GRK5: variants seen among roughly 807,000 people sequenced by gnomAD.
GRK5 encodes g protein-coupled receptor kinase GRK5.
A neutral mutation model predicts 78.4 loss-of-function variants in GRK5; 40 were observed. The ratio of observed to expected loss-of-function variants is 0.51; its 90% CI spans 0.40 to 0.66. The LOEUF is 0.66. GRK5 is among the 30% of genes least tolerant of loss of function. The probability of loss-of-function intolerance (pLI) is 0.00; values close to 1 mark genes in which losing one functional copy is unlikely to be tolerated. For missense variants in GRK5, 598 were observed against 759.9 expected (o/e 0.79, Z 2.50); for synonymous variants, 289 against 296.8 (o/e 0.97, Z 0.27).
intron 1 of GRK5, among the ~76,000 whole-genome samples, chr10:119,227,332 C>T (rs768918907): frequency 7.2e-5 from 11 of 152,008 alleles, no homozygotes; most frequent in African/African-American, 9.7e-5. Context: ...TTTGGGAAGC[C>T]GAGGTGGGTG....
At chr10:119,295,545 A>G (rs1478274741) in intron 1 of GRK5, among the ~76,000 whole-genome samples, 1 of 152,196 alleles carries the variant, frequency 6.6e-6, no homozygotes. Flanking sequence ...AAATCATGGA[A>G]CCATCCCAAA....
Position 119,307,394 on chromosome 10 carries a change from G to A in GRK5, c.53-19122G>A, listed in dbSNP as rs992369314. On this transcript the variant is annotated intron_variant, in intron 1 of 15. Coordinates refer to ENST00000392870, the MANE Select transcript of GRK5 (RefSeq NM_005308.3). Reference sequence around the variant, plus strand: ...TTTCAGATGTGATTAAGTTAAGGCTGTTGAGATGGAGAGGTTATCCAGGGA... The same window carrying A: ...TTTCAGATGTGATTAAGTTAAGGCTATTGAGATGGAGAGGTTATCCAGGGA... Among the ~76,000 whole-genome samples the A allele has an allele frequency of 3.3e-5, 5 of 152,148 alleles. 1 individual carries two copies. The highest frequency in any genetic ancestry group is 7.3e-5 in the Non-Finnish European group (5 of 68,034).
At chr10:119,246,974 C>T (rs1849124263) in intron 1 of GRK5, among the ~76,000 whole-genome samples, 1 of 152,150 alleles carries the variant, frequency 6.6e-6, no homozygotes. Context: ...TGGGTTCTAT[C>T]CAGATCTGAG....
intron 2 of GRK5, among the ~76,000 whole-genome samples, chr10:119,376,993 T>TGTGC (rs1379576068): frequency 1.3e-5 from 2 of 152,146 alleles, no homozygotes; most frequent in Non-Finnish European, 2.9e-5. Context: ...CGTGTGTGTA[T>TGTGC]GTGCGTGCGT....
At chr10:119,362,831 A>C (rs1324269065) in intron 2 of GRK5, among the ~76,000 whole-genome samples, 2 of 152,190 alleles carry the variant, frequency 1.3e-5, no homozygotes, top group Non-Finnish European at 2.9e-5. Context: ...ACGGCAAAGG[A>C]GCATCTGAAA....
chr10:119,446,557 G>A (rs1196347046), intron 12 of GRK5, among the ~76,000 whole-genome samples: 1 of 151,694 alleles, frequency 6.6e-6, no homozygotes, highest in East Asian at 1.9e-4. Context: ...CTGAGGGACT[G>A]CTTAGAACAG....
intron 9 of GRK5, among the ~76,000 whole-genome samples, chr10:119,437,638 G>T (rs1437493099): frequency 6.6e-6 from 1 of 152,128 alleles, no homozygotes; most frequent in East Asian, 1.9e-4. Flanking sequence ...TTAGTGATGA[G>T]GAATTTTCTA....
intron 1 of GRK5, among the ~76,000 whole-genome samples, chr10:119,243,562 T>TTTAG (rs1554898011): frequency 8.7e-5 from 3 of 34,618 alleles, no homozygotes; most frequent in Non-Finnish European, 4.1e-4. Flanking sequence ...TGTTCCCAGT[T>TTTAG]TTTCTTTTTT....
At chr10:119,411,582 A>C (rs1338130814) in intron 4 of GRK5, among the ~76,000 whole-genome samples, 1 of 152,190 alleles carries the variant, frequency 6.6e-6, no homozygotes, top group African/African-American at 2.4e-5. Flanking sequence ...TAAGAAAAAG[A>C]ATAGGAGGTT....
intron 1 of GRK5, among the ~76,000 whole-genome samples, chr10:119,305,854 C>CA (rs1367908635): frequency 1.3e-4 from 20 of 151,524 alleles, no homozygotes; most frequent in Non-Finnish European, 2.9e-5. Flanking sequence ...TGTTTCATTG[C>CA]AAAAAAGTGA....
chr10:119,218,750 C>A (rs766359643), intron 1 of GRK5, among the ~76,000 whole-genome samples: 1 of 152,174 alleles, frequency 6.6e-6, no homozygotes, highest in Non-Finnish European at 1.5e-5. Context: ...GATGCCACTA[C>A]CCCTGCTGTC....
Position 119,212,234 on chromosome 10 carries a change from C to G in GRK5, c.52+4265C>G, listed in dbSNP as rs149056415. On this transcript the variant is annotated intron_variant, in intron 1 of 15. Transcript: ENST00000392870. ...AACCAAAAGCAATGTTTTCAGAAGG[C>G]CTTTTGCTTTCTTAAAGATTTCAAA... Among the ~76,000 whole-genome samples the G allele has an allele frequency of 2.5e-3, 380 of 152,114 alleles. 3 individuals carry two copies. The highest frequency in any genetic ancestry group is 8.6e-3 in the African/African-American group (356 of 41,508).
At chr10:119,275,357 G>C (rs1038638515) in intron 1 of GRK5, among the ~76,000 whole-genome samples, 7 of 152,092 alleles carry the variant, frequency 4.6e-5, no homozygotes, top group Non-Finnish European at 8.8e-5. Context: ...CTTTGACCTC[G>C]GTCAGGCTTG....
chr10:119,291,138 C>T (rs531013911), intron 1 of GRK5, among the ~76,000 whole-genome samples: 20 of 152,208 alleles, frequency 1.3e-4, no homozygotes, highest in Non-Finnish European at 2.6e-4. Context: ...CAGAGCCAGC[C>T]GCAGGGTATG....
intron 10 of GRK5, among the ~76,000 whole-genome samples, chr10:119,440,080 T>C (rs1471819827): frequency 6.6e-6 from 1 of 152,156 alleles, no homozygotes; most frequent in Non-Finnish European, 1.5e-5. Context: ...GTCCAGAATT[T>C]CAGAGATGCT....
Position 119,453,167 on chromosome 10 carries a change from A to G in GRK5, c.1565A>G (p.Lys522Arg). The change falls in exon 15 of 16, where the codon AAG becomes AGG. Residue 522 changes from lysine to arginine, a missense_variant. Lys to Arg is a conservative substitution (Grantham distance 26, BLOSUM62 2). Transcript: ENST00000392870. ...CAGATGATAGAAACAGAATGCTTTAAGGAGCTGAACGTGTTTGGACCTAAT... is the reference window on the plus strand; with the variant it reads ...CAGATGATAGAAACAGAATGCTTTAGGGAGCTGAACGTGTTTGGACCTAAT... ...QNEMIETECF[K>R]ELNVFGPNGT... 8 of 1,556,388 alleles carry G rather than the reference A, an allele frequency of 5.1e-6. No homozygotes were observed. Among genetic ancestry groups the G allele is most frequent in the Non-Finnish European group, 7.1e-6 (8 of 1,127,366 alleles).
rs538428077 is a variant in GRK5 at position 119,419,411 on chromosome 10, T to C, written c.340-3755T>C. 3.7e-3 allele frequency among the ~76,000 whole-genome samples: 566 copies of C among 152,386 alleles called. 1 individual carries two copies. The highest frequency in any genetic ancestry group is 6.5e-3 in the Non-Finnish European group (440 of 68,034). On this transcript the variant is annotated intron_variant, in intron 4 of 15. Coordinates refer to ENST00000392870, the MANE Select transcript of GRK5 (RefSeq NM_005308.3). The stretch of plus-strand genomic sequence containing the variant: ...ATGTCCGACTACAACTACTCGCTTC[T>C]TACCCTTCTGGCAGGTTTGGGCTTT...
At chr10:119,214,499 T>A (rs1474870698) in intron 1 of GRK5, among the ~76,000 whole-genome samples, 5 of 152,064 alleles carry the variant, frequency 3.3e-5, no homozygotes, top group African/African-American at 1.2e-4. Flanking sequence ...AACTGCTAAT[T>A]TTCTGGGGCA....
Position 119,448,266 on chromosome 10 carries a change from T to A in GRK5, c.1404+6T>A. The A allele has an allele frequency of 1.9e-6, 3 of 1,587,004 alleles. 1 individual carries two copies. In the South Asian group the frequency reaches 3.4e-5, roughly 18 times the overall value. ...ACCCTCCCTTCGTTCCAGACGTGAG[T>A]AGCCTCCCCCAGCCCCCAGCAGCTC... On this transcript the variant is annotated splice_donor_region_variant and intron_variant, in intron 13 of 15. Coordinates refer to ENST00000392870, the MANE Select transcript of GRK5 (RefSeq NM_005308.3).
Sources: gnomAD v4.1 joint callset for allele counts (sites outside exome capture counted in the v4.1 genomes callset) on GRCh38, gnomAD v4.1.1 for gene constraint, MANE v1.5 for transcripts, NCBI Gene and HGNC (gene_info 2026-07-23, HGNC 2026-07-21) for gene names.